The following AGBL4 variants were observed in gnomAD, a reference collection of about 807,000 sequenced individuals.
AGBL4 encodes the protein AGBL carboxypeptidase 4.
In AGBL4, 58 loss-of-function variants were observed where a neutral mutation model predicts 66.4. That is an observed-to-expected ratio of 0.87 (90% CI 0.71 to 1.09). AGBL4 has a LOEUF of 1.09. AGBL4 is among the 50% of genes least tolerant of loss of function. The pLI is 0.00. For missense variants in AGBL4, 579 were observed against 631.0 expected (o/e 0.92, Z 0.88); for synonymous variants, 234 against 222.9 (o/e 1.05, Z -0.44).
intron 4 of AGBL4, among the ~76,000 whole-genome samples, chr1:49,232,121 G>A (rs1404134178): frequency 1.3e-5 from 2 of 152,100 alleles, no homozygotes; most frequent in Non-Finnish European, 2.9e-5. Flanking sequence ...TCCACTGGGG[G>A]GAGTGATGAA....
At chr1:48,611,946 A>T (rs966124034) in intron 9 of AGBL4, among the ~76,000 whole-genome samples, 1 of 152,230 alleles carries the variant, frequency 6.6e-6, no homozygotes, top group Non-Finnish European at 1.5e-5. Context: ...GCCACATTTC[A>T]TAATGAGAAA....
intron 3 of AGBL4, among the ~76,000 whole-genome samples, chr1:49,592,552 A>G (rs1485919201): frequency 6.6e-6 from 1 of 152,216 alleles, no homozygotes; most frequent in African/African-American, 2.4e-5. Flanking sequence ...CTGGGTACAC[A>G]GTGAGGCTCT....
At chr1:49,697,598 C>G (rs1647011794) in intron 2 of AGBL4, among the ~76,000 whole-genome samples, 161 bp from the exon 3 acceptor site, 2 of 152,112 alleles carry the variant, frequency 1.3e-5, no homozygotes, top group Admixed American at 1.3e-4. Context: ...CTGAATGCAG[C>G]CCAGAGTAAG....
intron 3 of AGBL4, among the ~76,000 whole-genome samples, chr1:49,323,016 C>T (rs1463895750): frequency 6.6e-6 from 1 of 152,050 alleles, no homozygotes; most frequent in Non-Finnish European, 1.5e-5. Flanking sequence ...GAATTTTTAA[C>T]TTGGATTATA....
intron 4 of AGBL4, among the ~76,000 whole-genome samples, chr1:49,155,290 A>G (rs1242743433): frequency 2.0e-5 from 3 of 152,150 alleles, no homozygotes; most frequent in Non-Finnish European, 4.4e-5. Flanking sequence ...TGTGCATCCA[A>G]CCCTAAAACC....
intron 3 of AGBL4, among the ~76,000 whole-genome samples, chr1:49,514,432 A>C (rs1396730822): frequency 6.6e-6 from 1 of 152,048 alleles, no homozygotes; most frequent in Admixed American, 6.6e-5. Flanking sequence ...GGGTAGGAAG[A>C]ATCAATATCG....
At chr1:49,419,425 T>C (rs1003522281) in intron 3 of AGBL4, among the ~76,000 whole-genome samples, 2 of 152,178 alleles carry the variant, frequency 1.3e-5, no homozygotes. Context: ...ATCAAACAAA[T>C]GTGATACATA....
At chr1:49,026,377 C>T (rs1663691244) in intron 5 of AGBL4, among the ~76,000 whole-genome samples, 1 of 152,006 alleles carries the variant, frequency 6.6e-6, no homozygotes, top group African/African-American at 2.4e-5. Context: ...GCTCAAGGAG[C>T]AACCAATTTA....
At chr1:49,368,613 C>T (rs981235751) in intron 3 of AGBL4, among the ~76,000 whole-genome samples, 2 of 152,162 alleles carry the variant, frequency 1.3e-5, no homozygotes, top group African/African-American at 2.4e-5. Flanking sequence ...GGCACTGTGG[C>T]TTCTCTGACA....
chr1:49,340,778 A>C (rs1338001848), intron 3 of AGBL4, among the ~76,000 whole-genome samples: 1 of 152,208 alleles, frequency 6.6e-6, no homozygotes, highest in Non-Finnish European at 1.5e-5. Flanking sequence ...ATTCTCAGTC[A>C]CAGGATGTTT....
At chr1:49,502,749 T>TGC (rs1187615119) in intron 3 of AGBL4, among the ~76,000 whole-genome samples, 1 of 152,034 alleles carries the variant, frequency 6.6e-6, no homozygotes, top group Admixed American at 6.6e-5. Flanking sequence ...ACTGATGGTA[T>TGC]TTTACCCCTG....
intron 4 of AGBL4, among the ~76,000 whole-genome samples, chr1:49,174,070 G>C (rs1646787634): frequency 6.6e-6 from 1 of 152,116 alleles, no homozygotes. Flanking sequence ...AAGGAAAAGA[G>C]AGATAGAAAA....
At chr1:49,919,248 G>A (rs1455288724) in intron 1 of AGBL4, among the ~76,000 whole-genome samples, 1 of 152,136 alleles carries the variant, frequency 6.6e-6, no homozygotes, top group East Asian at 1.9e-4. Context: ...AATCAGGCAG[G>A]AGAAAGAAAT....
At chr1:49,943,987 A>T (rs1654995761) in intron 1 of AGBL4, among the ~76,000 whole-genome samples, 1 of 151,816 alleles carries the variant, frequency 6.6e-6, no homozygotes, top group African/African-American at 2.4e-5. Flanking sequence ...GTTTCATGGG[A>T]ACATAACTCC....
At chr1:50,019,994 C>T (rs1662322039) in intron 1 of AGBL4, among the ~76,000 whole-genome samples, 3 of 151,938 alleles carry the variant, frequency 2.0e-5, no homozygotes, top group African/African-American at 7.2e-5. Flanking sequence ...TATCTACATG[C>T]TCTGTAAGAA....
chr1:48,657,827 T>C (rs1409573031), intron 7 of AGBL4, among the ~76,000 whole-genome samples: 1 of 152,242 alleles, frequency 6.6e-6, no homozygotes, highest in East Asian at 1.9e-4. Context: ...AATTCAGTTA[T>C]AGAAAAATAA....
At chr1:48,926,304 G>A (rs1654565591) in intron 5 of AGBL4, among the ~76,000 whole-genome samples, 1 of 129,176 alleles carries the variant, frequency 7.7e-6, no homozygotes, top group African/African-American at 3.3e-5. Context: ...TTTGGAGGCA[G>A]AGTCTCACTC....
intron 1 of AGBL4, among the ~76,000 whole-genome samples, chr1:49,880,810 A>G (rs1270533777): frequency 1.3e-5 from 2 of 151,560 alleles, no homozygotes; most frequent in Non-Finnish European, 2.9e-5. Context: ...GCAATCAGCG[A>G]GATTCCGTGG....
intron 9 of AGBL4, among the ~76,000 whole-genome samples, chr1:48,599,610 A>G (rs942349531): frequency 1.3e-5 from 2 of 152,240 alleles, no homozygotes; most frequent in Non-Finnish European, 2.9e-5. Flanking sequence ...TATTGTGGCC[A>G]CATCTCCATA....
Sources: allele counts gnomAD v4.1 joint callset (sites outside exome capture counted in the v4.1 genomes callset), GRCh38; gene constraint gnomAD v4.1.1; transcripts MANE v1.5; gene names NCBI Gene and HGNC (gene_info 2026-07-23, HGNC 2026-07-21).